The following PAH variants were observed in gnomAD, a reference collection of about 807,000 sequenced individuals.
PAH encodes phenylalanine-4-hydroxylase.
PAH carries 64 observed loss-of-function variants against 62.0 expected under a neutral mutation model. That is an observed-to-expected ratio of 1.03 (90% CI 0.84 to 1.27). The LOEUF is 1.27. PAH is among the 50% of genes most tolerant of loss of function. The probability of loss-of-function intolerance (pLI) is 0.00; values close to 1 mark genes in which losing one functional copy is unlikely to be tolerated. For synonymous variants in PAH, 195 were observed against 196.2 expected (o/e 0.99, Z 0.05); for missense variants, 579 against 542.8 (o/e 1.07, Z -0.66).
intron 4 of PAH, among the ~76,000 whole-genome samples, chr12:102,868,122 A>ATG (rs1268514354): frequency 0.012 from 116 of 9,592 alleles, 13 homozygotes; most frequent in East Asian, 0.02. Context: ...ATATACATAT[A>ATG]TGTGTATATA....
intron 1 of PAH, among the ~76,000 whole-genome samples, chr12:102,937,721 G>A (rs1400954255): frequency 6.6e-6 from 1 of 152,000 alleles, no homozygotes; most frequent in African/African-American, 2.4e-5. Flanking sequence ...TATTTACAAT[G>A]TTATTATATT....
chr12:102,854,724 C>T (rs902974485), intron 6 of PAH: 1 of 294,078 alleles, frequency 3.4e-6, no homozygotes, highest in East Asian at 8.8e-5. Flanking sequence ...ACTCAGAGCT[C>T]AGGGCTCTTG....
chr12:102,879,321 T>C (rs1592969950), intron 3 of PAH, among the ~76,000 whole-genome samples: 1 of 151,792 alleles, frequency 6.6e-6, no homozygotes, highest in East Asian at 1.9e-4. Flanking sequence ...AAAACGTGAC[T>C]TTCAATCTGA....
At chr12:102,865,294 A>T (rs1397945808) in intron 5 of PAH, among the ~76,000 whole-genome samples, 1 of 152,208 alleles carries the variant, frequency 6.6e-6, no homozygotes, top group African/African-American at 2.4e-5. Context: ...AGACTCTAGG[A>T]GTCCCCAGAC....
intron 3 of PAH, among the ~76,000 whole-genome samples, chr12:102,883,031 G>C (rs1270900500): frequency 1.3e-5 from 2 of 152,080 alleles, no homozygotes; most frequent in African/African-American, 4.8e-5. Context: ...CAGGAAGCTG[G>C]TTCTCTGTCC....
intron 1 of PAH, among the ~76,000 whole-genome samples, chr12:102,939,363 T>C (rs1177294998): frequency 1.3e-5 from 2 of 152,162 alleles, no homozygotes; most frequent in Admixed American, 1.3e-4. Flanking sequence ...CCCAGAGCCC[T>C]CTACACACCT....
intron 6 of PAH, among the ~76,000 whole-genome samples, chr12:102,853,581 G>C (rs1407553939): frequency 2.6e-5 from 4 of 152,160 alleles, no homozygotes; most frequent in African/African-American, 9.7e-5. Context: ...CTATGAATTG[G>C]CAGGTAAGTT....
chr12:102,843,104 A>G (rs1472390030), intron 11 of PAH, among the ~76,000 whole-genome samples: 10 of 152,214 alleles, frequency 6.6e-5, no homozygotes, highest in Non-Finnish European at 1.5e-4. Flanking sequence ...GTATTGTTCC[A>G]GGGGCTGGAG....
chr12:102,866,713 T>G, intron 4 of PAH, 50 bp from the exon 5 acceptor site: 1 of 1,445,388 alleles, frequency 6.9e-7, no homozygotes, highest in Non-Finnish European at 9.7e-7. Context: ...GGAAGAGGTC[T>G]GGTACCTTTA....
intron 1 of PAH, among the ~76,000 whole-genome samples, chr12:102,923,155 A>T (rs1279882438): frequency 6.6e-6 from 1 of 152,206 alleles, no homozygotes; most frequent in Non-Finnish European, 1.5e-5. Flanking sequence ...GATTCACAGC[A>T]AAAAGATCAT....
intron 5 of PAH, among the ~76,000 whole-genome samples, chr12:102,857,410 T>A (rs1294303922): frequency 6.6e-6 from 1 of 152,182 alleles, no homozygotes; most frequent in African/African-American, 2.4e-5. Context: ...AAGGATACTA[T>A]CCAGGAGAAC....
At chr12:102,922,483 C>T (rs1009150651) in intron 1 of PAH, among the ~76,000 whole-genome samples, 1 of 152,174 alleles carries the variant, frequency 6.6e-6, no homozygotes, top group Non-Finnish European at 1.5e-5. Flanking sequence ...TGAGTCACCA[C>T]GCCCGGCCCT....
chr12:102,930,459 T>C (rs1436161229), intron 1 of PAH, among the ~76,000 whole-genome samples: 3 of 152,208 alleles, frequency 2.0e-5, no homozygotes, highest in African/African-American at 7.2e-5. Flanking sequence ...CTCTCCATCA[T>C]GCTTCTCCTC....
chr12:102,948,968 T>C (rs188770793), intron 1 of PAH, among the ~76,000 whole-genome samples: 4 of 152,236 alleles, frequency 2.6e-5, no homozygotes, highest in African/African-American at 9.6e-5. Context: ...TAGAATCAAG[T>C]AGTCCTGAAT....
At chr12:102,917,547 C>T (rs1878438743), upstream of PAH, 1 of 285,650 alleles carries the variant, frequency 3.5e-6, no homozygotes, top group Admixed American at 4.6e-5. Context: ...TGGACTAAGC[C>T]TGCGACCGTC....
intron 1 of PAH, among the ~76,000 whole-genome samples, chr12:102,936,192 C>T (rs867150563): frequency 6.6e-6 from 1 of 151,976 alleles, no homozygotes; most frequent in Non-Finnish European, 1.5e-5. Flanking sequence ...TGTGTAGTTT[C>T]CAAAATTCCT....
At chr12:102,893,028 T>A (rs578161970) in intron 3 of PAH, among the ~76,000 whole-genome samples, 85 of 152,288 alleles carry the variant, frequency 5.6e-4, no homozygotes, top group African/African-American at 1.9e-3. Flanking sequence ...TAGAAGAAAC[T>A]GAGGTAGGGA....
intron 3 of PAH, 140 bp downstream of exon 3, chr12:102,894,595 A>C: frequency 1.5e-6 from 1 of 677,398 alleles, no homozygotes; most frequent in South Asian, 1.9e-5. Context: ...ATACATATAT[A>C]TTAATTTTGC....
At position 102,836,992 on chromosome 12, in the gene PAH, CTT is replaced by C. The variant is rs1167898959; in HGVS notation, c.*2181_*2182del. 1 of 152,130 alleles carries C rather than the reference CTT, an allele frequency of 6.6e-6. No individual in the cohort carries two copies. Among genetic ancestry groups the C allele is most frequent in the African/African-American group, 2.4e-5 (1 of 41,444 alleles). 9.4% of individuals were successfully genotyped at this position (152,130 alleles called of 1,614,324 possible). ...AAATTCAGATTCCTACTTTCAGAAA[CTT>C]ATTAAACATCAATGCCACATGCTTA... On this transcript the variant is annotated 3_prime_UTR_variant, in exon 13 of 13. Coordinates refer to ENST00000553106, the MANE Select transcript of PAH (RefSeq NM_000277.3).
Sources: allele counts gnomAD v4.1 joint callset (sites outside exome capture counted in the v4.1 genomes callset), GRCh38; gene constraint gnomAD v4.1.1; transcripts MANE v1.5; gene names NCBI Gene and HGNC (gene_info 2026-07-23, HGNC 2026-07-21).